Variants in SRBD1 observed in about 807,000 individuals in gnomAD.
The protein encoded by SRBD1 is S1 RNA binding domain 1.
Under a neutral mutation model 115.3 loss-of-function variants are expected in SRBD1, and 88 were observed. The ratio of observed to expected loss-of-function variants is 0.76; its 90% confidence interval spans 0.64 to 0.91. SRBD1 has a LOEUF of 0.91. Ranked by LOEUF, SRBD1 falls within the 40% of genes least tolerant of loss-of-function variation. The pLI, the probability that SRBD1 is intolerant of heterozygous loss-of-function variation, is 0.00. For synonymous variants in SRBD1, 509 were observed against 407.7 expected, an observed-to-expected ratio of 1.25 and a Z score of -2.99; for missense variants, 1,385 against 1,177.4, an observed-to-expected ratio of 1.18 and a Z score of -2.58.
intron 4 of SRBD1, among the ~76,000 whole-genome samples, chr2:45,587,874 T>C (rs928839590): frequency 6.6e-6 from 1 of 152,110 alleles, no homozygotes; most frequent in Non-Finnish European, 1.5e-5. Context: ...ATTTCCAAAG[T>C]TATCTTCTTC....
At chr2:45,437,357 TAAAAAA>T (rs144108756) in intron 16 of SRBD1, among the ~76,000 whole-genome samples, 2 of 133,992 alleles carry the variant, frequency 1.5e-5, no homozygotes, top group Non-Finnish European at 3.1e-5. Flanking sequence ...AGTATTGGTT[TAAAAAA>T]AAAAAAAAAA....
intron 10 of SRBD1, among the ~76,000 whole-genome samples, chr2:45,558,573 G>T (rs1485138062): frequency 6.6e-6 from 1 of 151,292 alleles, no homozygotes; most frequent in African/African-American, 2.4e-5. Context: ...ATTAACTTAT[G>T]TAATGACAAG....
chr2:45,545,224 G>C (rs1672073305), intron 14 of SRBD1, among the ~76,000 whole-genome samples: 1 of 141,430 alleles, frequency 7.1e-6, no homozygotes, highest in Non-Finnish European at 1.5e-5. Flanking sequence ...AGCTTGCAGT[G>C]AGCCAAGATT....
chr2:45,516,504 T>C (rs368395452), intron 14 of SRBD1, among the ~76,000 whole-genome samples: 3 of 152,350 alleles, frequency 2.0e-5, no homozygotes. Context: ...TGTTAAATTA[T>C]GTAACACACA....
intron 7 of SRBD1, among the ~76,000 whole-genome samples, chr2:45,576,677 GCT>G (rs1673188667): frequency 6.6e-6 from 1 of 152,168 alleles, no homozygotes; most frequent in South Asian, 2.1e-4. Flanking sequence ...TCTTCTGTTA[GCT>G]CTCTCAGTCT....
intron 10 of SRBD1, among the ~76,000 whole-genome samples, chr2:45,560,148 T>C (rs1027549068): frequency 6.6e-6 from 1 of 152,086 alleles, no homozygotes; most frequent in South Asian, 2.1e-4. Flanking sequence ...TATATTACTA[T>C]GCCATAATGA....
chr2:45,509,462 G>C (rs1021652797), intron 14 of SRBD1, among the ~76,000 whole-genome samples: 4 of 152,022 alleles, frequency 2.6e-5, no homozygotes, highest in African/African-American at 9.7e-5. Flanking sequence ...CGGGCGCGGT[G>C]GTGGGCGCCT....
chr2:45,435,071 G>T (rs1298383735), intron 16 of SRBD1, among the ~76,000 whole-genome samples: 1 of 152,016 alleles, frequency 6.6e-6, no homozygotes, highest in Admixed American at 6.6e-5. Flanking sequence ...ATGGTTTCCA[G>T]CTTCATCCAT....
At chr2:45,548,471 A>G (rs973299562) in intron 12 of SRBD1, among the ~76,000 whole-genome samples, 3 of 152,088 alleles carry the variant, frequency 2.0e-5, no homozygotes, top group Admixed American at 6.5e-5. Context: ...ATGAAAACAG[A>G]TAATTAGAAA....
intron 16 of SRBD1, among the ~76,000 whole-genome samples, chr2:45,457,053 A>G (rs1330924022): frequency 3.9e-5 from 6 of 151,956 alleles, no homozygotes. Flanking sequence ...TAATGGCTCT[A>G]TAATAATGGG....
In SRBD1 at chr2:45,556,865, G is replaced by T. The variant is rs150469725; in HGVS notation, c.1410-3135C>A. 9.1e-4 allele frequency among the ~76,000 whole-genome samples: 138 copies of T among 152,232 alleles called. 1 individual carries two copies. Among genetic ancestry groups the T allele is most frequent in the Non-Finnish European group, 1.8e-4 (12 of 68,020 alleles). Reference sequence around the variant, plus strand: ...AGTCTACTTCATTGAATTGTTGTGAGTTAACATAAGCAAGGGACTTATAAT... The same window carrying T: ...AGTCTACTTCATTGAATTGTTGTGATTTAACATAAGCAAGGGACTTATAAT... On this transcript the variant is annotated intron_variant, in intron 10 of 20. Coordinates refer to ENST00000263736, the MANE Select transcript of SRBD1 (RefSeq NM_018079.5).
intron 11 of SRBD1, among the ~76,000 whole-genome samples, chr2:45,553,112 T>C (rs879454344): frequency 6.6e-6 from 1 of 152,200 alleles, no homozygotes; most frequent in Admixed American, 6.5e-5. Context: ...TTTCTTTCCA[T>C]CTTCTGTCCT....
At chr2:45,503,746 T>C (rs369923633) in intron 14 of SRBD1, among the ~76,000 whole-genome samples, 11 of 152,268 alleles carry the variant, frequency 7.2e-5, no homozygotes, top group Middle Eastern at 6.8e-3. Context: ...AATATTAAGG[T>C]TATTCATTTC....
intron 15 of SRBD1, among the ~76,000 whole-genome samples, chr2:45,486,750 AAAATAAAAT>A (rs1276794532): frequency 6.8e-6 from 1 of 147,826 alleles, no homozygotes; most frequent in African/African-American, 2.6e-5. Flanking sequence ...AAAATAAAAT[AAAATAAAAT>A]AAATAAATAA....
At chr2:45,568,967 GTGTA>G (rs1672921717) in intron 9 of SRBD1, among the ~76,000 whole-genome samples, 5 of 152,122 alleles carry the variant, frequency 3.3e-5, no homozygotes, top group African/African-American at 1.2e-4. Flanking sequence ...GGTAAATATA[GTGTA>G]CACAAAAGTA....
chr2:45,550,119 A>G (rs377409501), intron 12 of SRBD1, among the ~76,000 whole-genome samples: 4 of 152,270 alleles, frequency 2.6e-5, no homozygotes, highest in African/African-American at 9.6e-5. Flanking sequence ...AAATTCTAAA[A>G]CTGAAAAACC....
At chr2:45,575,733 T>C (rs952450244) in intron 7 of SRBD1, among the ~76,000 whole-genome samples, 1 of 152,054 alleles carries the variant, frequency 6.6e-6, no homozygotes, top group Non-Finnish European at 1.5e-5. Flanking sequence ...TGAGATGGAG[T>C]CTCACTGTCT....
chr2:45,486,504 G>C (rs1041398601), intron 15 of SRBD1, among the ~76,000 whole-genome samples: 6 of 152,040 alleles, frequency 3.9e-5, no homozygotes, highest in African/African-American at 1.4e-4. Context: ...GAGGTGGGTG[G>C]ATCATGAGGT....
intron 14 of SRBD1, among the ~76,000 whole-genome samples, chr2:45,536,591 T>C (rs1386679573): frequency 6.6e-6 from 1 of 152,160 alleles, no homozygotes; most frequent in Non-Finnish European, 1.5e-5. Context: ...AAGTTTTCTT[T>C]GACATGAGGA....
Sources: allele counts gnomAD v4.1 joint callset (sites outside exome capture counted in the v4.1 genomes callset), GRCh38; gene constraint gnomAD v4.1.1; transcripts MANE v1.5; gene names NCBI Gene and HGNC (gene_info 2026-07-23, HGNC 2026-07-21).